The following POPDC1 variants were observed in gnomAD, a reference collection of about 807,000 sequenced individuals.
POPDC1 encodes popeye domain-containing protein 1.
chr6:105,124,445 T>C, the POPDC1 span: 14 of 807,488 alleles, frequency 1.7e-5, no homozygotes, highest in Non-Finnish European at 2.9e-5. Flanking sequence ...TAACTTGTTT[T>C]TCCCCCCAAT....
the POPDC1 span, among the ~76,000 whole-genome samples, chr6:105,111,735 G>C: frequency 8.5e-5 from 13 of 152,288 alleles, no homozygotes; most frequent in Non-Finnish European, 1.5e-4. Context: ...ATTTAGCATT[G>C]TGTGGCATGT....
At chr6:105,130,486 G>C in the POPDC1 span, among the ~76,000 whole-genome samples, 1 of 152,126 alleles carries the variant, frequency 6.6e-6, no homozygotes, top group Non-Finnish European at 1.5e-5. Context: ...TTGAAGAATT[G>C]TTTTCCAAAA....
At chr6:105,106,054 G>GTA in the POPDC1 span, among the ~76,000 whole-genome samples, 2 of 152,090 alleles carry the variant, frequency 1.3e-5, no homozygotes, top group East Asian at 3.8e-4. Flanking sequence ...CCATCCTGTT[G>GTA]TATTTATTGT....
At chr6:105,104,365 C>T in the POPDC1 span, among the ~76,000 whole-genome samples, 2 of 152,132 alleles carry the variant, frequency 1.3e-5, no homozygotes, top group Non-Finnish European at 2.9e-5. Context: ...AAACAGGCAT[C>T]TTGAGTGCTG....
At chr6:105,126,668 G>A in the POPDC1 span, among the ~76,000 whole-genome samples, 1 of 152,036 alleles carries the variant, frequency 6.6e-6, no homozygotes, top group African/African-American at 2.4e-5. Context: ...AAATATGGCA[G>A]CAAGAAAATA....
chr6:105,101,146 A>G, the POPDC1 span: 1 of 1,613,838 alleles, frequency 6.2e-7, no homozygotes, highest in Non-Finnish European at 8.5e-7. Flanking sequence ...AAACGTCATC[A>G]TCATCTTCTG....
chr6:105,129,588 C>CAGT, the POPDC1 span: 1 of 1,311,604 alleles, frequency 7.6e-7, no homozygotes, highest in Non-Finnish European at 1.0e-6. Flanking sequence ...TCTATATATA[C>CAGT]AGTAGTCCTC....
At chr6:105,123,525 C>T in the POPDC1 span, among the ~76,000 whole-genome samples, 1 of 152,012 alleles carries the variant, frequency 6.6e-6, no homozygotes, top group African/African-American at 2.4e-5. Flanking sequence ...CTCAGCCTCC[C>T]GAGTAGCTGG....
At chr6:105,121,774 G>C in the POPDC1 span, among the ~76,000 whole-genome samples, 6 of 152,146 alleles carry the variant, frequency 3.9e-5, no homozygotes, top group Non-Finnish European at 7.3e-5. Flanking sequence ...GCAATCTCAA[G>C]GGACAGTCAT....
At chr6:105,123,871 T>C in the POPDC1 span, among the ~76,000 whole-genome samples, 1 of 152,250 alleles carries the variant, frequency 6.6e-6, no homozygotes, top group African/African-American at 2.4e-5. Flanking sequence ...GCCAGTTTTC[T>C]GGTTTTCTTC....
At chr6:105,096,937 T>C in the POPDC1 span, 1 of 152,692 alleles carries the variant, frequency 6.5e-6, no homozygotes, top group African/African-American at 2.4e-5. Context: ...TCAATTTAAA[T>C]GGCACCTAAA....
chr6:105,111,762 A>G, the POPDC1 span, among the ~76,000 whole-genome samples: 1 of 152,168 alleles, frequency 6.6e-6, no homozygotes, highest in Admixed American at 6.5e-5. Context: ...GCAGAGTACA[A>G]CATGAGAAAT....
At chr6:105,106,850 T>C in the POPDC1 span, among the ~76,000 whole-genome samples, 1 of 152,192 alleles carries the variant, frequency 6.6e-6, no homozygotes, top group Non-Finnish European at 1.5e-5. Flanking sequence ...TATATATTTA[T>C]GAGTTACATG....
chr6:105,125,407 T>C, the POPDC1 span: 3 of 1,614,086 alleles, frequency 1.9e-6, no homozygotes, highest in Non-Finnish European at 2.5e-6. Context: ...TTCAAGAGAA[T>C]ACTCAGACGG....
chr6:105,105,213 G>A, the POPDC1 span, among the ~76,000 whole-genome samples: 2 of 152,084 alleles, frequency 1.3e-5, no homozygotes, highest in South Asian at 2.1e-4. Flanking sequence ...TAACAACATT[G>A]CCTTGTTGCT....
the POPDC1 span, among the ~76,000 whole-genome samples, chr6:105,128,482 C>G: frequency 6.6e-6 from 1 of 152,026 alleles, no homozygotes; most frequent in East Asian, 1.9e-4. Context: ...CTGCCAGAGG[C>G]AAGATACAAG....
the POPDC1 span, chr6:105,133,400 T>A: frequency 6.2e-7 from 1 of 1,613,760 alleles, no homozygotes; most frequent in Non-Finnish European, 8.5e-7. Context: ...TGAAGAGTAG[T>A]TGGAATAACC....
the POPDC1 span, among the ~76,000 whole-genome samples, chr6:105,124,969 A>G: frequency 6.6e-6 from 1 of 152,172 alleles, no homozygotes; most frequent in Admixed American, 6.5e-5. Flanking sequence ...GGTGTTATTA[A>G]TAACAATGCC....
At chr6:105,111,553 C>T in the POPDC1 span, among the ~76,000 whole-genome samples, 9 of 152,124 alleles carry the variant, frequency 5.9e-5, no homozygotes, top group Non-Finnish European at 1.0e-4. Flanking sequence ...AACATGAAAC[C>T]CAGTAAATGA....
Sources: allele counts gnomAD v4.1 joint callset (sites outside exome capture counted in the v4.1 genomes callset), GRCh38; gene constraint gnomAD v4.1.1; transcripts MANE v1.5; gene names NCBI Gene and HGNC (gene_info 2026-07-23, HGNC 2026-07-21).